Variants in SLC25A26 observed in about 807,000 individuals in gnomAD.
The protein encoded by SLC25A26 is solute carrier family 25 member 26.
In SLC25A26, 36 loss-of-function variants were observed where a neutral mutation model predicts 37.8. That is an observed-to-expected ratio of 0.95 (90% CI 0.73 to 1.26). SLC25A26 has a LOEUF of 1.26. Ranked by LOEUF, SLC25A26 falls within the 50% of genes most tolerant of loss-of-function variation. The pLI, the probability that SLC25A26 is intolerant of heterozygous loss-of-function variation, is 0.00. For missense variants in SLC25A26, 390 were observed against 331.1 expected (o/e 1.18, Z -1.38); for synonymous variants, 129 against 122.5 (o/e 1.05, Z -0.35).
At chr3:66,201,714 C>T (rs1314086591) in intron 1 of SLC25A26, among the ~76,000 whole-genome samples, 1 of 152,178 alleles carries the variant, frequency 6.6e-6, no homozygotes, top group Non-Finnish European at 1.5e-5. Flanking sequence ...ACTACAAATA[C>T]TGTGCCTGCA....
chr3:66,365,855 CAGGGGCAACGT>C (rs1387476421), intron 7 of SLC25A26, among the ~76,000 whole-genome samples: 4 of 152,154 alleles, frequency 2.6e-5, no homozygotes, highest in Non-Finnish European at 5.9e-5. Context: ...CCAGACTAAT[CAGGGGCAACGT>C]AGGGTCTGGA....
chr3:66,295,964 A>T (rs1318740614), intron 5 of SLC25A26, among the ~76,000 whole-genome samples: 1 of 151,900 alleles, frequency 6.6e-6, no homozygotes, highest in Non-Finnish European at 1.5e-5. Context: ...TAAAAATACA[A>T]AAATTAGCTG....
chr3:66,357,185 G>A (rs1308679733), intron 6 of SLC25A26, among the ~76,000 whole-genome samples: 1 of 152,176 alleles, frequency 6.6e-6, no homozygotes, highest in Non-Finnish European at 1.5e-5. Context: ...AGGCTGGGGT[G>A]GGAGGATCAC....
At chr3:66,281,788 A>C (rs11128166) in intron 5 of SLC25A26, among the ~76,000 whole-genome samples, 5,341 of 146,530 alleles carry the variant, frequency 0.036, 331 homozygotes, top group African/African-American at 0.13. Context: ...TCTTCAGCCT[A>C]CTTCTGTGTT....
upstream of SLC25A26, among the ~76,000 whole-genome samples, chr3:66,218,717 A>T (rs2071397369): frequency 6.6e-6 from 1 of 152,130 alleles, no homozygotes; most frequent in Non-Finnish European, 1.5e-5. Flanking sequence ...CAGACCACTT[A>T]CTCTAGGAAC....
chr3:66,344,811 C>A (rs911812845), intron 5 of SLC25A26, among the ~76,000 whole-genome samples: 1 of 152,140 alleles, frequency 6.6e-6, no homozygotes, highest in African/African-American at 2.4e-5. Context: ...ACAGATTGTA[C>A]TGTGGGTGAA....
intron 9 of SLC25A26, chr3:66,371,102 C>G (rs1409007614): frequency 3.6e-6 from 5 of 1,398,184 alleles, no homozygotes; most frequent in Non-Finnish European, 4.6e-6. Flanking sequence ...CCTAAAAGCT[C>G]TCTCTGCAAG....
At chr3:66,251,242 C>T (rs912163699) in intron 3 of SLC25A26, among the ~76,000 whole-genome samples, 8 of 152,014 alleles carry the variant, frequency 5.3e-5, no homozygotes, top group Non-Finnish European at 1.2e-4. Flanking sequence ...AAGAAAGTCC[C>T]CTGGCAGCTG....
At chr3:66,253,056 C>T (rs1261052324) in intron 3 of SLC25A26, among the ~76,000 whole-genome samples, 2 of 147,768 alleles carry the variant, frequency 1.4e-5, no homozygotes, top group Non-Finnish European at 3.0e-5. Flanking sequence ...TCCTAGTCCC[C>T]AAATCTCTGA....
chr3:66,295,900 C>T (rs1031167943), intron 5 of SLC25A26, among the ~76,000 whole-genome samples: 1 of 151,840 alleles, frequency 6.6e-6, no homozygotes, highest in African/African-American at 2.4e-5. Context: ...GGGTGGATCA[C>T]GAGGTCAGGA....
chr3:66,363,935 G>GACATCCTCTA (rs1451631181), intron 7 of SLC25A26, among the ~76,000 whole-genome samples: 1 of 152,106 alleles, frequency 6.6e-6, no homozygotes, highest in Admixed American at 6.5e-5. Context: ...ATGACACATA[G>GACATCCTCTA]TCATTAGCTG....
At chr3:66,189,656 TTCTTTTCTTTTC>T (rs1393655184) in intron 1 of SLC25A26, among the ~76,000 whole-genome samples, 2 of 152,146 alleles carry the variant, frequency 1.3e-5, no homozygotes, top group African/African-American at 2.4e-5. Flanking sequence ...ACTGTGTGCT[TTCTTTTCTTTTC>T]TCTTTTCTTT....
intron 3 of SLC25A26, among the ~76,000 whole-genome samples, chr3:66,246,436 C>T (rs1488447120): frequency 1.3e-5 from 2 of 152,170 alleles, no homozygotes; most frequent in African/African-American, 4.8e-5. Context: ...GTTAATCATA[C>T]ATCTTTTTAT....
chr3:66,370,127 C>T (rs531780082), intron 8 of SLC25A26, among the ~76,000 whole-genome samples: 5 of 152,314 alleles, frequency 3.3e-5, no homozygotes, highest in African/African-American at 9.6e-5. Flanking sequence ...ATGTTAATCA[C>T]GTTTTAAATG....
At chr3:66,139,460 T>C (rs752677866) in intron 1 of SLC25A26, among the ~76,000 whole-genome samples, 2 of 151,980 alleles carry the variant, frequency 1.3e-5, no homozygotes, top group Non-Finnish European at 2.9e-5. Flanking sequence ...AGCTCCCCCC[T>C]ATCAGGAGAT....
rs1700823724 is a variant in SLC25A26 at position 66,378,612 on chromosome 3, C to T, written c.*805C>T. Reference sequence around the variant, plus strand: ...GTCACCACACTTAGGGATTTTAGACCTTGACTAACAAGCTCCAGGTGTAGA... The same window carrying T: ...GTCACCACACTTAGGGATTTTAGACTTTGACTAACAAGCTCCAGGTGTAGA... On this transcript the variant is annotated 3_prime_UTR_variant, in exon 10 of 10. Coordinates refer to ENST00000354883, the MANE Select transcript of SLC25A26 (RefSeq NM_001379210.1). 6.6e-6 allele frequency: 1 copy of T among 152,406 alleles called. No individual in the cohort carries two copies. Among genetic ancestry groups the T allele is most frequent in the African/African-American group, 2.4e-5 (1 of 41,458 alleles). 9.4% of individuals were successfully genotyped at this position (152,406 alleles called of 1,614,324 possible).
intron 5 of SLC25A26, among the ~76,000 whole-genome samples, chr3:66,332,498 C>T (rs1177943549): frequency 6.6e-6 from 1 of 151,970 alleles, no homozygotes; most frequent in Non-Finnish European, 1.5e-5. Context: ...ATTTTAGCAC[C>T]TCTGGAATTG....
chr3:66,312,817 C>T (rs1006510218), intron 5 of SLC25A26, among the ~76,000 whole-genome samples: 1 of 152,164 alleles, frequency 6.6e-6, no homozygotes, highest in Non-Finnish European at 1.5e-5. Context: ...TGCTTGCCCA[C>T]TGTGGGCTGC....
At chr3:66,360,077 A>G (rs553033213) in intron 6 of SLC25A26, among the ~76,000 whole-genome samples, 101 of 152,346 alleles carry the variant, frequency 6.6e-4, no homozygotes, top group African/African-American at 2.3e-3. Flanking sequence ...AAGTTGTGAA[A>G]GTTGACAGAG....
Sources: allele counts gnomAD v4.1 joint callset (sites outside exome capture counted in the v4.1 genomes callset), GRCh38; gene constraint gnomAD v4.1.1; transcripts MANE v1.5; gene names NCBI Gene and HGNC (gene_info 2026-07-23, HGNC 2026-07-21).